VTI1A: variants seen among roughly 807,000 people sequenced by gnomAD.
VTI1A encodes the protein vesicle transport through interaction with t-SNAREs homolog 1A.
Under a neutral mutation model 34.9 loss-of-function variants are expected in VTI1A, and 22 were observed. The ratio of observed to expected loss-of-function variants is 0.63; its 90% CI spans 0.45 to 0.90. VTI1A has a LOEUF of 0.90. VTI1A is among the 40% of genes least tolerant of loss of function. The pLI is 0.00. For missense variants in VTI1A, 268 were observed against 275.6 expected (o/e 0.97, Z 0.20); for synonymous variants, 87 against 97.3 (o/e 0.89, Z 0.62).
intron 3 of VTI1A, among the ~76,000 whole-genome samples, chr10:112,482,549 A>G (rs920980134): frequency 1.3e-5 from 2 of 152,220 alleles, no homozygotes; most frequent in African/African-American, 4.8e-5. Flanking sequence ...TATTTAAAAT[A>G]TACCATATTT....
At chr10:112,720,528 A>G (rs1327332891) in intron 7 of VTI1A, among the ~76,000 whole-genome samples, 1 of 152,172 alleles carries the variant, frequency 6.6e-6, no homozygotes, top group Admixed American at 6.5e-5. Context: ...GTCTGATTCT[A>G]TTGAGTTTTT....
In VTI1A at chr10:112,525,168, C is replaced by T. The variant is rs1850176425; in HGVS notation, c.265-1919C>T. ...CTGAGTTGGGTCACTACTGAATTGT[C>T]GAGCGATCTGATGTAGATATCTTTA... On this transcript the variant is annotated intron_variant, in intron 3 of 7. Coordinates refer to ENST00000393077, the MANE Select transcript of VTI1A (RefSeq NM_145206.4). Among the ~76,000 whole-genome samples the T allele has an allele frequency of 2.6e-5, 4 of 152,254 alleles. No homozygotes were observed. In the South Asian group the frequency reaches 8.3e-4, roughly 32 times the overall value.
chr10:112,698,517 G>A (rs1175752403), intron 7 of VTI1A, among the ~76,000 whole-genome samples: 2 of 152,148 alleles, frequency 1.3e-5, no homozygotes, highest in Non-Finnish European at 2.9e-5. Context: ...ATAATTTATT[G>A]TGTTAAGTTA....
chr10:112,670,223 G>A (rs979012863), intron 7 of VTI1A, among the ~76,000 whole-genome samples: 1 of 152,122 alleles, frequency 6.6e-6, no homozygotes. Context: ...CTCCTGCGTC[G>A]TGAGCTGTAA....
chr10:112,623,187 A>G (rs1467550334), intron 5 of VTI1A, among the ~76,000 whole-genome samples: 5 of 152,130 alleles, frequency 3.3e-5, no homozygotes, highest in African/African-American at 4.8e-5. Context: ...TTGTTTTCCA[A>G]TCTCTATAAA....
At chr10:112,496,464 G>C (rs540893704) in intron 3 of VTI1A, among the ~76,000 whole-genome samples, 1 of 151,986 alleles carries the variant, frequency 6.6e-6, no homozygotes, top group African/African-American at 2.4e-5. Flanking sequence ...CCAGCTTCTC[G>C]GGAGGCTGAG....
At chr10:112,468,665 T>G (rs1847982699) in intron 3 of VTI1A, among the ~76,000 whole-genome samples, 1 of 152,206 alleles carries the variant, frequency 6.6e-6, no homozygotes, top group Admixed American at 6.5e-5. Flanking sequence ...TCCTTCAGGC[T>G]TCCTCAGTAC....
intron 7 of VTI1A, among the ~76,000 whole-genome samples, chr10:112,741,197 T>TGTA (rs1311566953): frequency 6.6e-6 from 1 of 152,226 alleles, no homozygotes; most frequent in African/African-American, 2.4e-5. Context: ...GGCTCACGCC[T>TGTA]GTAGTCCCAG....
chr10:112,815,141 A>G (rs111517356), intron 7 of VTI1A, 149 bp from the exon 8 acceptor site: 2,930 of 196,226 alleles, frequency 0.015, 13 homozygotes, highest in Non-Finnish European at 0.023. Flanking sequence ...TCGCGCGCGC[A>G]CACACACACA....
chr10:112,822,190 C>T (rs1325415088), downstream of VTI1A, among the ~76,000 whole-genome samples: 1 of 152,120 alleles, frequency 6.6e-6, no homozygotes, highest in Admixed American at 6.5e-5. Context: ...TCCCTAGGAC[C>T]AGCTCCCTGG....
intron 5 of VTI1A, among the ~76,000 whole-genome samples, chr10:112,641,693 C>G (rs1037632250): frequency 5.3e-5 from 8 of 152,186 alleles, no homozygotes; most frequent in African/African-American, 1.7e-4. Context: ...TGTTCCTTTC[C>G]CATTCCCTAA....
chr10:112,583,962 T>C (rs1844052036), intron 5 of VTI1A, among the ~76,000 whole-genome samples: 1 of 152,212 alleles, frequency 6.6e-6, no homozygotes, highest in Non-Finnish European at 1.5e-5. Context: ...TACCCAAAGT[T>C]GCCTTGTCAT....
Position 112,800,008 on chromosome 10 carries a change from T to A in VTI1A, c.561-15282T>A, listed in dbSNP as rs987928145. ...TTAGGATCTAGAAAACGTAACCACA[T>A]CCCTCAAAAGTTGGCAGAGATGCAG... On this transcript the variant is annotated intron_variant, in intron 7 of 7. Transcript: ENST00000393077. Among the ~76,000 whole-genome samples, 20 of 152,098 alleles carry A rather than the reference T, an allele frequency of 1.3e-4. No individual in the cohort carries two copies. In the East Asian group the frequency reaches 3.1e-3, roughly 24 times the overall value.
chr10:112,772,814 G>A (rs1851850897), intron 7 of VTI1A, among the ~76,000 whole-genome samples: 1 of 152,162 alleles, frequency 6.6e-6, no homozygotes, highest in South Asian at 2.1e-4. Flanking sequence ...GGATTGATGT[G>A]GTCATCTACC....
At chr10:112,729,964 C>G (rs978052046) in intron 7 of VTI1A, among the ~76,000 whole-genome samples, 4 of 152,236 alleles carry the variant, frequency 2.6e-5, no homozygotes, top group African/African-American at 9.6e-5. Context: ...GCTGGGCATG[C>G]TGACCTCCAA....
intron 7 of VTI1A, among the ~76,000 whole-genome samples, chr10:112,670,737 A>G (rs1847817742): frequency 6.6e-6 from 1 of 152,154 alleles, no homozygotes; most frequent in Non-Finnish European, 1.5e-5. Flanking sequence ...ACTCTGGTGA[A>G]ATCTACATGG....
chr10:112,798,542 C>T (rs187197177), intron 7 of VTI1A, among the ~76,000 whole-genome samples: 6 of 152,168 alleles, frequency 3.9e-5, no homozygotes, highest in African/African-American at 1.4e-4. Context: ...GTATGAAGAT[C>T]CCTCCTAATT....
intron 7 of VTI1A, among the ~76,000 whole-genome samples, chr10:112,804,291 G>A (rs1188457090): frequency 6.6e-6 from 1 of 152,180 alleles, no homozygotes; most frequent in African/African-American, 2.4e-5. Context: ...CAGAAGCCTG[G>A]CAGGCTTGGG....
At chr10:112,514,427 G>T (rs550816721) in intron 3 of VTI1A, among the ~76,000 whole-genome samples, 1 of 150,932 alleles carries the variant, frequency 6.6e-6, no homozygotes, top group South Asian at 2.1e-4. Flanking sequence ...TGTTTATTTT[G>T]TTTATCTTTT....
Sources: allele counts gnomAD v4.1 joint callset (sites outside exome capture counted in the v4.1 genomes callset), GRCh38; gene constraint gnomAD v4.1.1; transcripts MANE v1.5; gene names NCBI Gene and HGNC (gene_info 2026-07-23, HGNC 2026-07-21).